The following ARFGEF1 variants were observed in gnomAD, a reference collection of about 807,000 sequenced individuals.
ARFGEF1 encodes the protein brefeldin A-inhibited guanine nucleotide-exchange protein 1.
ARFGEF1 carries 42 observed loss-of-function variants against 231.0 expected under a neutral mutation model. The ratio of observed to expected loss-of-function variants is 0.18; its 90% confidence interval spans 0.14 to 0.24. ARFGEF1 has a LOEUF of 0.24. ARFGEF1 is among the 10% of genes least tolerant of loss of function. The pLI, the probability that ARFGEF1 is intolerant of heterozygous loss-of-function variation, is 1.00. For missense variants in ARFGEF1, 1,345 were observed against 2,192.0 expected (o/e 0.61, Z 7.72); for synonymous variants, 710 against 732.3 (o/e 0.97, Z 0.49).
chr8:67,291,373 A>G (rs13255070), intron 6 of ARFGEF1, among the ~76,000 whole-genome samples: 38,230 of 151,508 alleles, frequency 0.25, 5,093 homozygotes, highest in East Asian at 0.38. Flanking sequence ...GAAAATTTCT[A>G]TCAGTTGGTT....
chr8:67,311,295 T>G (rs1412191275), intron 1 of ARFGEF1, among the ~76,000 whole-genome samples: 61 of 46,050 alleles, frequency 1.3e-3, no homozygotes, highest in Admixed American at 2.1e-3. Flanking sequence ...GTGGGGGGGG[T>G]CAGCCCCCCC....
chr8:67,204,625 C>T, intron 35 of ARFGEF1, 55 bp downstream of exon 35: 1 of 1,565,822 alleles, frequency 6.4e-7, no homozygotes, highest in Non-Finnish European at 8.7e-7. Flanking sequence ...GCCCAGACTG[C>T]TATACCTAAC....
chr8:67,308,002 G>C (rs1806827650), intron 1 of ARFGEF1, among the ~76,000 whole-genome samples: 1 of 152,202 alleles, frequency 6.6e-6, no homozygotes, highest in African/African-American at 2.4e-5. Flanking sequence ...CCTGTTGTGA[G>C]AAGCCCAAGC....
At chr8:67,326,253 T>C (rs1489890067) in intron 1 of ARFGEF1, among the ~76,000 whole-genome samples, 1 of 152,122 alleles carries the variant, frequency 6.6e-6, no homozygotes, top group Non-Finnish European at 1.5e-5. Context: ...CAGTACTGTT[T>C]TGTGACTCAA....
intron 10 of ARFGEF1, among the ~76,000 whole-genome samples, chr8:67,269,350 CTTTT>C (rs796473421): frequency 5.4e-5 from 7 of 128,868 alleles, no homozygotes; most frequent in Admixed American, 7.9e-5. Flanking sequence ...CCACGTTCAG[CTTTT>C]TTTTTTTTTT....
intron 4 of ARFGEF1, among the ~76,000 whole-genome samples, chr8:67,298,060 C>T (rs1806315129): frequency 6.6e-6 from 1 of 151,808 alleles, no homozygotes; most frequent in African/African-American, 2.4e-5. Flanking sequence ...CTTGCCTTGG[C>T]CTCCCAAAGT....
intron 29 of ARFGEF1, 86 bp from the exon 30 acceptor site, chr8:67,219,646 AAAAACAGAAAGCTT>A: frequency 7.2e-7 from 1 of 1,395,132 alleles, no homozygotes; most frequent in Non-Finnish European, 9.6e-7. Context: ...CAAAGCAGTT[AAAAACAGAAAGCTT>A]AAAACTAGTC....
At chr8:67,343,105 G>GGGGCC in intron 1 of ARFGEF1, 59 bp downstream of exon 1, 2 of 483,914 alleles carry the variant, frequency 4.1e-6, no homozygotes, top group Non-Finnish European at 6.3e-6. Flanking sequence ...CCCCCCACAG[G>GGGGCC]CGCCCCCCTC....
intron 27 of ARFGEF1, among the ~76,000 whole-genome samples, chr8:67,226,661 A>G (rs1839384447): frequency 6.6e-6 from 1 of 152,076 alleles, no homozygotes; most frequent in South Asian, 2.1e-4. Context: ...GTCATCTTCC[A>G]TATAGGCTTA....
downstream of ARFGEF1, among the ~76,000 whole-genome samples, chr8:67,194,096 T>G (rs1012436705): frequency 7.2e-5 from 11 of 152,342 alleles, no homozygotes; most frequent in African/African-American, 2.6e-4. Flanking sequence ...TTTTGTGACT[T>G]GCAGGTTAAA....
rs192044479 is a variant in ARFGEF1, at chr8:67,244,222, G to A, written c.2851-3932C>T. Among the ~76,000 whole-genome samples the A allele has an allele frequency of 2.6e-4, 27 of 103,836 alleles. No homozygotes were observed. The East Asian group carries it at 7.6e-3, about 29-fold the overall frequency. The allele number at this position is 103,836 out of a possible 152,430, so 68.1% of individuals were successfully genotyped here. A position where few individuals can be genotyped will look rare whatever the true frequency, so the allele number is the denominator to read the frequency against. On this transcript the variant is annotated intron_variant, in intron 19 of 38. Coordinates refer to ENST00000262215, the MANE Select transcript of ARFGEF1 (RefSeq NM_006421.5). ...CATGCCACTGCACTCCAGCCTGGGC[G>A]ACAAAGCGAGACTCCACCTCAAAAA...
rs11991868 is a variant in ARFGEF1 at position 67,201,760 on chromosome 8, A to G, written c.5129-155T>C. The G allele has an allele frequency of 3.8e-3, 3,674 of 971,126 alleles. 97 individuals are homozygous for G. In the African/African-American group the frequency reaches 0.053, roughly 14 times the overall value. 60.2% of individuals were successfully genotyped at this position (971,126 alleles called of 1,614,324 possible). A position where few individuals can be genotyped will look rare whatever the true frequency, so the allele number is the denominator to read the frequency against. On this transcript the variant is annotated intron_variant, in intron 36 of 38. Coordinates refer to ENST00000262215, the MANE Select transcript of ARFGEF1 (RefSeq NM_006421.5). ...GCAGCCTGATGTGAAGGTGATTTCC[A>G]TGTCCAGAATTCCCTCCCTATTCAA...
At chr8:67,178,191 A>G (rs986836731) in intron 5 of ARFGEF1, among the ~76,000 whole-genome samples, 2 of 152,330 alleles carry the variant, frequency 1.3e-5, no homozygotes, top group Admixed American at 6.5e-5. Context: ...TTATGAGTGC[A>G]GTGTGAGTGT....
At chr8:67,323,823 CAG>C (rs1807704687) in intron 1 of ARFGEF1, among the ~76,000 whole-genome samples, 1 of 150,324 alleles carries the variant, frequency 6.7e-6, no homozygotes, top group East Asian at 2.0e-4. Flanking sequence ...TTTTTTGAGA[CAG>C]AGTCTTGCTC....
chr8:67,211,400 G>T, intron 34 of ARFGEF1, 83 bp downstream of exon 34: 66 of 730,936 alleles, frequency 9.0e-5, no homozygotes, highest in Non-Finnish European at 1.1e-4. Flanking sequence ...GTATATGCTT[G>T]TTAATAATAA....
intron 14 of ARFGEF1, among the ~76,000 whole-genome samples, chr8:67,264,903 A>C (rs1804787810): frequency 6.6e-6 from 1 of 152,206 alleles, no homozygotes; most frequent in African/African-American, 2.4e-5. Context: ...TTTAGAATGC[A>C]ATCTTGAATA....
intron 1 of ARFGEF1, among the ~76,000 whole-genome samples, chr8:67,312,081 A>C (rs902617152): frequency 2.6e-5 from 4 of 152,068 alleles, no homozygotes; most frequent in African/African-American, 9.7e-5. Context: ...ATCTCAAGTA[A>C]TCAGGGACAC....
At chr8:67,234,587 C>T (rs1839655392) in intron 22 of ARFGEF1, among the ~76,000 whole-genome samples, 1 of 151,698 alleles carries the variant, frequency 6.6e-6, no homozygotes, top group Non-Finnish European at 1.5e-5. Context: ...TTGGCAGACA[C>T]CAGGAAGAAG....
intron 12 of ARFGEF1, 27 bp downstream of exon 12, chr8:67,267,064 A>G (rs1340246666): frequency 6.2e-7 from 1 of 1,609,896 alleles, no homozygotes; most frequent in Non-Finnish European, 8.5e-7. Flanking sequence ...TAAAGTTTAA[A>G]TTTGAAAATG....
Sources: gnomAD v4.1 joint callset for allele counts (sites outside exome capture counted in the v4.1 genomes callset) on GRCh38, gnomAD v4.1.1 for gene constraint, MANE v1.5 for transcripts, NCBI Gene and HGNC (gene_info 2026-07-23, HGNC 2026-07-21) for gene names.